DHX32: variants seen among roughly 807,000 people sequenced by gnomAD.
The protein encoded by DHX32 is putative pre-mRNA-splicing factor ATP-dependent RNA helicase DHX32.
Under a neutral mutation model 70.0 loss-of-function variants are expected in DHX32, and 51 were observed. The observed-to-expected ratio is 0.73, with a 90% CI of 0.58 to 0.92. DHX32 has a LOEUF of 0.92. Ranked by LOEUF, DHX32 falls within the 40% of genes least tolerant of loss-of-function variation. DHX32 has a pLI of 0.00. For missense variants in DHX32, 762 were observed against 891.8 expected (o/e 0.85, Z 1.85); for synonymous variants, 310 against 315.3 (o/e 0.98, Z 0.18).
At chr10:125,862,774 C>T (rs766880322) in intron 2 of DHX32, among the ~76,000 whole-genome samples, 1 of 152,080 alleles carries the variant, frequency 6.6e-6, no homozygotes, top group African/African-American at 2.4e-5. Flanking sequence ...ATCACTCCAG[C>T]CCAGGAGGAG....
chr10:125,863,921 A>G (rs982331344), intron 2 of DHX32, among the ~76,000 whole-genome samples: 6 of 152,196 alleles, frequency 3.9e-5, no homozygotes, highest in Non-Finnish European at 4.4e-5. Context: ...AGTTACATAA[A>G]TTTAATAGTC....
intron 3 of DHX32, among the ~76,000 whole-genome samples, chr10:125,858,330 T>A (rs1944161635): frequency 6.6e-6 from 1 of 152,252 alleles, no homozygotes; most frequent in Non-Finnish European, 1.5e-5. Context: ...GTCTCCGTAA[T>A]CATTTTATTA....
rs369340674 is a variant in DHX32, at chr10:125,867,004, G to A, written c.462C>T (p.Asn154=). The A allele has an allele frequency of 3.8e-5, 62 of 1,613,456 alleles. No homozygotes were observed. In the African/African-American group the frequency reaches 4.1e-4, roughly 11 times the overall value. The change falls in exon 2 of 11, where the codon AAC becomes AAT. Residue 154 remains asparagine (N), a synonymous_variant. Transcript: ENST00000284690. ...YVIPFENCCT[N]ETILRYCTDD... is the part of the protein sequence containing the mutation. ...CACAAACCAACCTCAGGATTGTTTC[G>A]TTGGTACAGCAGTTCTCGAAAGGGA...
chr10:125,895,923 G>T (rs1325567493), intron 1 of DHX32, among the ~76,000 whole-genome samples: 1 of 141,098 alleles, frequency 7.1e-6, no homozygotes, highest in Non-Finnish European at 1.6e-5. Flanking sequence ...CTTCCCGTCA[G>T]GGGGGCTCGA....
At position 125,860,117 on chromosome 10, in the gene DHX32, T is replaced by C. The variant is rs532045487; in HGVS notation, c.477-142A>G. ...TTACTGGGGCCAAAATTCCTTTAAG[T>C]TGATACAATCTACAGAATTATAGCA... On this transcript the variant is annotated intron_variant, in intron 2 of 10. Transcript: ENST00000284690. 7.1e-6 allele frequency: 5 copies of C among 706,112 alleles called. No individual in the cohort carries two copies. In the African/African-American group the frequency reaches 9.0e-5, roughly 13 times the overall value. The allele number at this position is 706,112 out of a possible 1,614,324, so 43.7% of individuals were successfully genotyped here. A position where few individuals can be genotyped will look rare whatever the true frequency, so the allele number is the denominator to read the frequency against.
rs566110537 is a variant in DHX32, at chr10:125,852,380, G to C, written c.1264C>G (p.Gln422Glu). The change falls in exon 6 of 11, where the codon CAG becomes GAG. Residue 422 changes from glutamine (Q) to glutamate (E), a missense_variant. Coordinates refer to ENST00000284690, the MANE Select transcript of DHX32 (RefSeq NM_018180.3). ...ACCATGCTTGTTAGGTTGGCTTCCT[G>C]CATTTCTGCTGGCTTCAGTGGCGTC... ...DMTPLKPAEM[Q>E]EANLTSMVLF... is the part of the protein sequence containing the mutation. The C allele has an allele frequency of 3.0e-5, 48 of 1,614,178 alleles. No individual in the cohort carries two copies. The highest frequency in any genetic ancestry group is 3.8e-5 in the Non-Finnish European group (45 of 1,180,028).
chr10:125,889,088 G>A (rs1159021143), intron 1 of DHX32, among the ~76,000 whole-genome samples: 1 of 152,138 alleles, frequency 6.6e-6, no homozygotes, highest in Non-Finnish European at 1.5e-5. Context: ...GTCCCATTGT[G>A]GTAGCAGCTC....
chr10:125,854,507 C>G (rs1371902658), intron 3 of DHX32: 1 of 220,718 alleles, frequency 4.5e-6, no homozygotes, highest in Non-Finnish European at 8.9e-6. Flanking sequence ...CAATTCCATT[C>G]TCTAGGTCTC....
In DHX32 at chr10:125,867,187, T is replaced by C. The variant is rs1944225659; in HGVS notation, c.283-4A>G. ...ATTCAGCACACCACTGAGGAACCTG[T>C]AGCAGGAAAAAATGAGACAGGATCA... On this transcript the variant is annotated splice_region_variant and splice_polypyrimidine_tract_variant and intron_variant, in intron 1 of 10. Transcript: ENST00000284690. 6.3e-7 allele frequency: 1 copy of C among 1,590,812 alleles called. No individual in the cohort carries two copies. The highest frequency in any genetic ancestry group is 8.6e-7 in the Non-Finnish European group (1 of 1,166,848).
chr10:125,894,176 C>T (rs1944387769), intron 1 of DHX32, among the ~76,000 whole-genome samples: 1 of 152,126 alleles, frequency 6.6e-6, no homozygotes, highest in Admixed American at 6.5e-5. Context: ...AAATAAAACA[C>T]AATGGTAGAA....
chr10:125,855,439 A>C (rs902712769), intron 3 of DHX32, among the ~76,000 whole-genome samples: 2 of 150,336 alleles, frequency 1.3e-5, no homozygotes, highest in Non-Finnish European at 3.0e-5. Flanking sequence ...TTTCCTATCA[A>C]GATAAACTGT....
chr10:125,839,174 A>G lies in DHX32; in HGVS notation c.1708T>C (p.Trp570Arg). ...NSSSEYCVEK[W>R]CRDYFLNCSA... ...CAGTTGAGGAAGTAATCACGACACCACTTTTCCACACAGTCTAGGAGGGAA... is the reference window on the plus strand; with the variant it reads ...CAGTTGAGGAAGTAATCACGACACCGCTTTTCCACACAGTCTAGGAGGGAA... Residue 570 changes from tryptophan (W) to arginine (R), a missense_variant, in exon 9 of 11, where the codon TGG (tryptophan) becomes CGG (arginine). Transcript: ENST00000284690. 6.2e-7 allele frequency: 1 copy of G among 1,614,184 alleles called. No individual in the cohort carries two copies. The highest frequency in any genetic ancestry group is 1.1e-5 in the South Asian group (1 of 91,082).
intron 10 of DHX32, among the ~76,000 whole-genome samples, chr10:125,837,142 G>C: frequency 6.6e-6 from 1 of 152,188 alleles, no homozygotes; most frequent in Non-Finnish European, 1.5e-5. Flanking sequence ...TTTCCCCTAA[G>C]GCCCATCACC....
Position 125,880,567 on chromosome 10 carries a change from A to G in DHX32, c.258T>C (p.Asp86=), listed in dbSNP as rs1944310965. The G allele has an allele frequency of 1.2e-6, 2 of 1,609,502 alleles. No individual in the cohort carries two copies. Among genetic ancestry groups the G allele is most frequent in the Non-Finnish European group, 1.7e-6 (2 of 1,176,752 alleles). ...CCTGAGCGCTCTTACCACATTTAGC[A>G]TCTCCTGAAACAATCACGATTTGAT... ...LQNQIVIVSG[D]AKCGKSAQVP... The change falls in exon 1 of 11, where the codon GAT becomes GAC. Residue 86 remains aspartate, a synonymous_variant. Coordinates refer to ENST00000284690, the MANE Select transcript of DHX32 (RefSeq NM_018180.3).
intron 6 of DHX32, among the ~76,000 whole-genome samples, chr10:125,843,596 A>C (rs1854939087): frequency 6.6e-6 from 1 of 151,896 alleles, no homozygotes; most frequent in East Asian, 1.9e-4. Flanking sequence ...TGGGCGACAG[A>C]GCGAGACTCC....
At chr10:125,865,941 CAT>C (rs1214114445) in intron 2 of DHX32, among the ~76,000 whole-genome samples, 3 of 152,370 alleles carry the variant, frequency 2.0e-5, no homozygotes, top group South Asian at 4.1e-4. Flanking sequence ...GGGATGAGCA[CAT>C]GAGACACTAG....
intron 3 of DHX32, among the ~76,000 whole-genome samples, chr10:125,856,365 T>C (rs886214689): frequency 6.6e-6 from 1 of 152,262 alleles, no homozygotes; most frequent in African/African-American, 2.4e-5. Context: ...GTAATCTGGC[T>C]ACATATTATC....
In DHX32 at chr10:125,866,469, T is replaced by G. The variant is rs1944220679; in HGVS notation, c.476+521A>C. On this transcript the variant is annotated intron_variant, in intron 2 of 10. Transcript: ENST00000284690. This position sits in a 1 kb window ranked among gnomAD's most constrained non-coding sequence, Gnocchi z 4.8. ...TATGATGCAGGCTGACACCAAGTTT[T>G]CCAGAAGCCCCACAGAGGGTTTTCT... Among the ~76,000 whole-genome samples the G allele has an allele frequency of 1.3e-5, 2 of 152,190 alleles. No homozygotes were observed. The highest frequency in any genetic ancestry group is 4.8e-5 in the African/African-American group (2 of 41,446).
chr10:125,863,576 C>A (rs1944202209), intron 2 of DHX32, among the ~76,000 whole-genome samples: 2 of 151,856 alleles, frequency 1.3e-5, no homozygotes, highest in African/African-American at 2.4e-5. Flanking sequence ...GCCTCCTGAG[C>A]AGCTGGGACT....
Sources: gnomAD v4.1 joint callset for allele counts (sites outside exome capture counted in the v4.1 genomes callset) on GRCh38, gnomAD v4.1.1 for gene constraint, Gnocchi (gnomAD v3.1) non-coding constraint, MANE v1.5 for transcripts, NCBI Gene and HGNC (gene_info 2026-07-23, HGNC 2026-07-21) for gene names.